Variants in POU2F1 observed in about 807,000 individuals in gnomAD.
The protein encoded by POU2F1 is POU domain, class 2, transcription factor 1.
A neutral mutation model predicts 84.9 loss-of-function variants in POU2F1; 16 were observed. That is an observed-to-expected ratio of 0.19 (90% CI 0.13 to 0.29). The LOEUF (loss-of-function observed/expected upper bound fraction) is 0.29, where lower values mean the gene tolerates loss of function less well. POU2F1 is among the 10% of genes least tolerant of loss of function. The pLI, the probability that POU2F1 is intolerant of heterozygous loss-of-function variation, is 1.00. For synonymous variants in POU2F1, 368 were observed against 368.3 expected, an observed-to-expected ratio of 1.00 and a Z score of 0.01; for missense variants, 738 against 942.6, an observed-to-expected ratio of 0.78 and a Z score of 2.84.
chr1:167,303,883 A>T (rs530042457), intron 1 of POU2F1, among the ~76,000 whole-genome samples: 1 of 152,166 alleles, frequency 6.6e-6, no homozygotes, highest in Non-Finnish European at 1.5e-5. Flanking sequence ...TTTTTATATC[A>T]TCTTTATTCT....
Position 167,424,832 on chromosome 1 carries a change from T to G in POU2F1, c.*9022T>G, listed in dbSNP as rs1650853683. The G allele has an allele frequency of 6.6e-6, 1 of 152,200 alleles. No homozygotes were observed. Among genetic ancestry groups the G allele is most frequent in the Non-Finnish European group, 1.5e-5 (1 of 68,082 alleles). 9.4% of individuals were successfully genotyped at this position (152,200 alleles called of 1,614,324 possible). On this transcript the variant is annotated 3_prime_UTR_variant, in exon 16 of 16. Coordinates refer to ENST00000367866, the MANE Select transcript of POU2F1 (RefSeq NM_002697.4). Reference sequence around the variant, plus strand: ...CCACACCCCTAACCCACCCTGTGTTTCTGACAGCTGGCCACACGTCAACTT... The same window carrying G: ...CCACACCCCTAACCCACCCTGTGTTGCTGACAGCTGGCCACACGTCAACTT...
chr1:167,300,815 G>C (rs996001748), intron 1 of POU2F1, among the ~76,000 whole-genome samples: 2 of 151,962 alleles, frequency 1.3e-5, no homozygotes, highest in East Asian at 3.9e-4. Context: ...CTGTTGCCCA[G>C]GCTGGAGTGC....
chr1:167,400,506 A>G (rs532871138), intron 12 of POU2F1, among the ~76,000 whole-genome samples: 24 of 152,330 alleles, frequency 1.6e-4, no homozygotes, highest in Middle Eastern at 3.4e-3. Flanking sequence ...TTAAGTGACA[A>G]TAAGTTACCA....
In POU2F1 at chr1:167,424,347, C is replaced by G. The variant is rs2101971108; in HGVS notation, c.*8537C>G. ...AAGAAAGACTTCCAGCTTCTTACCT[C>G]TGCGTGCATGGGCACGTGTGCATTG... On this transcript the variant is annotated 3_prime_UTR_variant, in exon 16 of 16. Coordinates refer to ENST00000367866, the MANE Select transcript of POU2F1 (RefSeq NM_002697.4). 6.6e-6 allele frequency: 1 copy of G among 152,386 alleles called. No homozygotes were observed. Among genetic ancestry groups the G allele is most frequent in the Non-Finnish European group, 1.5e-5 (1 of 68,058 alleles). 9.4% of individuals were successfully genotyped at this position (152,386 alleles called of 1,614,324 possible). A position where few individuals can be genotyped will look rare whatever the true frequency, so the allele number is the denominator to read the frequency against.
chr1:167,384,340 T>G (rs1293695746), intron 8 of POU2F1, among the ~76,000 whole-genome samples: 1 of 152,172 alleles, frequency 6.6e-6, no homozygotes, highest in Admixed American at 6.5e-5. Flanking sequence ...TCTCTATATT[T>G]TCTTTTTTCT....
intron 2 of POU2F1, among the ~76,000 whole-genome samples, chr1:167,343,583 A>G (rs1359806348): frequency 6.7e-6 from 1 of 148,828 alleles, no homozygotes; most frequent in Non-Finnish European, 1.5e-5. Flanking sequence ...AATTAGATCC[A>G]TTATATAACA....
intron 1 of POU2F1, among the ~76,000 whole-genome samples, chr1:167,321,668 T>C (rs1656321413): frequency 6.6e-6 from 1 of 152,226 alleles, no homozygotes; most frequent in Non-Finnish European, 1.5e-5. Context: ...GCTTATCTGT[T>C]AACCATTTTA....
intron 15 of POU2F1, among the ~76,000 whole-genome samples, 180 bp downstream of exon 15, chr1:167,413,294 A>G (rs922029895): frequency 6.6e-6 from 1 of 152,180 alleles, no homozygotes; most frequent in African/African-American, 2.4e-5. Flanking sequence ...ATGTCCTCGT[A>G]AAAAAGCTTT....
chr1:167,237,514 A>C (rs1379103869), intron 1 of POU2F1, among the ~76,000 whole-genome samples: 1 of 151,670 alleles, frequency 6.6e-6, no homozygotes, highest in Non-Finnish European at 1.5e-5. Context: ...TACCATTTTG[A>C]GTGATGTCTG....
intron 1 of POU2F1, among the ~76,000 whole-genome samples, chr1:167,288,431 G>T (rs1653683581): frequency 6.6e-6 from 1 of 152,148 alleles, no homozygotes; most frequent in Non-Finnish European, 1.5e-5. Flanking sequence ...AGCTGACTTG[G>T]AGTGGCTAGG....
chr1:167,248,235 G>A (rs76025675), intron 1 of POU2F1, among the ~76,000 whole-genome samples: 1 of 152,304 alleles, frequency 6.6e-6, no homozygotes, highest in African/African-American at 2.4e-5. Context: ...ATTCATGATA[G>A]ACAAGACAGC....
chr1:167,324,556 A>G (rs1335188609), intron 1 of POU2F1, among the ~76,000 whole-genome samples: 2 of 152,184 alleles, frequency 1.3e-5, no homozygotes, highest in East Asian at 1.9e-4. Context: ...CATTTTGTTC[A>G]GCCAACCAAC....
chr1:167,324,192 A>G (rs1421541974), intron 1 of POU2F1, among the ~76,000 whole-genome samples: 1 of 152,138 alleles, frequency 6.6e-6, no homozygotes, highest in East Asian at 1.9e-4. Context: ...AGCATTATGG[A>G]CTCAGATTGC....
intron 9 of POU2F1, 123 bp downstream of exon 9, chr1:167,389,884 C>A (rs531207427): frequency 4.6e-6 from 5 of 1,093,284 alleles, no homozygotes; most frequent in South Asian, 1.6e-5. Context: ...GGACGGGGGA[C>A]GAAAAAGGAT....
At chr1:167,303,020 A>G (rs577054455) in intron 1 of POU2F1, among the ~76,000 whole-genome samples, 1 of 152,316 alleles carries the variant, frequency 6.6e-6, no homozygotes, top group East Asian at 1.9e-4. Context: ...TTTTCAGAAT[A>G]CATCCATAGC....
intron 1 of POU2F1, among the ~76,000 whole-genome samples, chr1:167,260,636 C>T (rs1455720576): frequency 6.6e-6 from 1 of 152,136 alleles, no homozygotes; most frequent in African/African-American, 2.4e-5. Flanking sequence ...CCTGCATTGC[C>T]AAAGCTCTGT....
intron 1 of POU2F1, among the ~76,000 whole-genome samples, chr1:167,287,510 A>G (rs1273188457): frequency 6.6e-6 from 1 of 152,236 alleles, no homozygotes; most frequent in East Asian, 1.9e-4. Flanking sequence ...AAAAATAGTC[A>G]TTGAAATTTA....
At chr1:167,384,506 C>G (rs531987512) in intron 8 of POU2F1, among the ~76,000 whole-genome samples, 1 of 152,080 alleles carries the variant, frequency 6.6e-6, no homozygotes, top group South Asian at 2.1e-4. Context: ...CTCTCTGGAC[C>G]TCAGTCTTCT....
chr1:167,247,755 C>G (rs1410517435), intron 1 of POU2F1, among the ~76,000 whole-genome samples: 1 of 152,110 alleles, frequency 6.6e-6, no homozygotes, highest in Non-Finnish European at 1.5e-5. Context: ...CCTAGCTTGG[C>G]TTTTCTACGT....
Sources: allele counts gnomAD v4.1 joint callset (sites outside exome capture counted in the v4.1 genomes callset), GRCh38; gene constraint gnomAD v4.1.1; transcripts MANE v1.5; gene names NCBI Gene and HGNC (gene_info 2026-07-23, HGNC 2026-07-21).